Variants in PCDH11Y observed in about 807,000 individuals in gnomAD.
PCDH11Y encodes the protein protocadherin-11 Y-linked.
For missense variants in PCDH11Y, 12 were observed against 224.8 expected (o/e 0.05, Z 6.05); for synonymous variants, 9 against 83.6 (o/e 0.11, Z 4.87).
chrY:5,153,129 T>C, intron 2 of PCDH11Y, among the ~76,000 whole-genome samples: 1 of 32,897 alleles, frequency 3.0e-5, no homozygotes, highest in African/African-American at 1.2e-4. Flanking sequence ...GATTGAGACA[T>C]GCTATTAAAA....
At chrY:5,152,341 C>T (rs2052864973) in intron 2 of PCDH11Y, among the ~76,000 whole-genome samples, 1 of 32,728 alleles carries the variant, frequency 3.1e-5, no homozygotes, top group Non-Finnish European at 7.6e-5. Context: ...TAATCAAATG[C>T]TGTGCATAGA....
At chrY:5,367,446 G>A in intron 2 of PCDH11Y, among the ~76,000 whole-genome samples, 1 of 18,843 alleles carries the variant, frequency 5.3e-5, no homozygotes, top group Non-Finnish European at 1.1e-4. Context: ...CTGCAGTGGC[G>A]CAATCTCGGC....
At chrY:5,264,065 C>G in intron 2 of PCDH11Y, among the ~76,000 whole-genome samples, 2 of 31,987 alleles carry the variant, frequency 6.3e-5, no homozygotes, top group Non-Finnish European at 1.5e-4. Context: ...ACCACCACCA[C>G]CAGCCCACAG....
At chrY:5,440,758 TAGAGAGAGAGAG>T (rs769163370) in intron 2 of PCDH11Y, among the ~76,000 whole-genome samples, 9 of 14,620 alleles carry the variant, frequency 6.2e-4, no homozygotes, top group Admixed American at 1.7e-3. Flanking sequence ...TATATATATA[TAGAGAGAGAGAG>T]AGAGAGAGAG....
intron 3 of PCDH11Y, among the ~76,000 whole-genome samples, chrY:5,561,113 A>G (rs2124695143): frequency 3.4e-5 from 1 of 29,573 alleles, no homozygotes; most frequent in Admixed American, 3.1e-4. Flanking sequence ...TTAAGATTTC[A>G]CTGCCCTGCT....
chrY:5,379,494 C>A (rs2124674219), intron 2 of PCDH11Y, among the ~76,000 whole-genome samples: 1 of 30,622 alleles, frequency 3.3e-5, no homozygotes, highest in South Asian at 7.9e-4. Flanking sequence ...CCTGCTTTCC[C>A]GCCCAAATGT....
chrY:5,241,936 G>A (rs2052988607), intron 2 of PCDH11Y, among the ~76,000 whole-genome samples: 1 of 31,250 alleles, frequency 3.2e-5, no homozygotes, highest in Non-Finnish European at 7.7e-5. Flanking sequence ...AAAGAACACT[G>A]ATCACAGATT....
intron 2 of PCDH11Y, among the ~76,000 whole-genome samples, chrY:5,446,718 T>C: frequency 5.9e-5 from 2 of 33,727 alleles, no homozygotes; most frequent in Non-Finnish European, 1.5e-4. Context: ...CAGTAACAAT[T>C]ATTGGCTTTA....
intron 3 of PCDH11Y, among the ~76,000 whole-genome samples, chrY:5,525,732 G>T: frequency 3.2e-5 from 1 of 31,638 alleles, no homozygotes; most frequent in Non-Finnish European, 7.7e-5. Context: ...GATAAATATG[G>T]TATAATTTAT....
At chrY:5,730,646 T>C (rs1602965131) in intron 4 of PCDH11Y, among the ~76,000 whole-genome samples, 2 of 31,398 alleles carry the variant, frequency 6.4e-5, no homozygotes, top group Non-Finnish European at 1.6e-4. Context: ...CTGTGTTGAA[T>C]AGGAGTACTG....
At chrY:5,129,484 G>T (rs2124640982) in intron 2 of PCDH11Y, among the ~76,000 whole-genome samples, 1 of 25,307 alleles carries the variant, frequency 4.0e-5, no homozygotes, top group Non-Finnish European at 9.0e-5. Context: ...CACACAGAGA[G>T]AGAGAGAGAG....
chrY:5,328,867 G>T, intron 2 of PCDH11Y, among the ~76,000 whole-genome samples: 1 of 31,539 alleles, frequency 3.2e-5, no homozygotes, highest in African/African-American at 1.3e-4. Flanking sequence ...AGGAAGATTA[G>T]AAAGACTCAG....
intron 2 of PCDH11Y, among the ~76,000 whole-genome samples, chrY:5,305,587 T>C (rs2053089502): frequency 1.0e-3 from 34 of 32,826 alleles, no homozygotes; most frequent in African/African-American, 4.0e-3. Flanking sequence ...AGAAACAGAA[T>C]GAAAGTCAGA....
chrY:5,554,277 T>G, intron 3 of PCDH11Y, among the ~76,000 whole-genome samples: 2 of 34,184 alleles, frequency 5.9e-5, no homozygotes, highest in Non-Finnish European at 1.4e-4. Flanking sequence ...AGCAAAGCAT[T>G]CAGGATGTGA....
At chrY:5,359,769 AG>A (rs2124671674) in intron 2 of PCDH11Y, among the ~76,000 whole-genome samples, 1 of 33,122 alleles carries the variant, frequency 3.0e-5, no homozygotes, top group Admixed American at 2.9e-4. Flanking sequence ...ATGAAACAGC[AG>A]CTTTAATGCA....
intron 2 of PCDH11Y, among the ~76,000 whole-genome samples, chrY:5,202,082 A>G (rs2124649972): frequency 9.0e-5 from 3 of 33,435 alleles, no homozygotes; most frequent in Non-Finnish European, 1.5e-4. Context: ...AACTGAGTCA[A>G]TGAGCACATG....
At chrY:5,645,552 A>T in intron 4 of PCDH11Y, among the ~76,000 whole-genome samples, 3 of 30,821 alleles carry the variant, frequency 9.7e-5, no homozygotes, top group Non-Finnish European at 2.3e-4. Flanking sequence ...TTAATAGTTC[A>T]TGTTTACAAT....
At chrY:5,407,075 T>C in intron 2 of PCDH11Y, among the ~76,000 whole-genome samples, 1 of 33,463 alleles carries the variant, frequency 3.0e-5, no homozygotes, top group Non-Finnish European at 7.4e-5. Context: ...AGAACTGAGA[T>C]GTAGAGGAAA....
intron 4 of PCDH11Y, among the ~76,000 whole-genome samples, chrY:5,637,658 A>G: frequency 3.0e-5 from 1 of 32,881 alleles, no homozygotes; most frequent in South Asian, 6.6e-4. Flanking sequence ...TAACTGAGTC[A>G]ATTTATCTTC....
Sources: gnomAD v4.1 joint callset for allele counts (sites outside exome capture counted in the v4.1 genomes callset) on GRCh38, gnomAD v4.1.1 for gene constraint, MANE v1.5 for transcripts, NCBI Gene and HGNC (gene_info 2026-07-23, HGNC 2026-07-21) for gene names.